The following LRP1B variants were observed in gnomAD, a reference collection of about 807,000 sequenced individuals.
The protein encoded by LRP1B is LDL receptor related protein 1B, also known as low-density lipoprotein receptor-related protein 1B.
In LRP1B, 217 loss-of-function variants were observed where a neutral mutation model predicts 556.6. The ratio of observed to expected loss-of-function variants is 0.39; its 90% CI spans 0.35 to 0.44. The LOEUF is 0.44. Among genes scored for constraint, LRP1B ranks in the 20% least tolerant of loss-of-function variants. LRP1B has a pLI of 1.00. For missense variants in LRP1B, 5,053 were observed against 5,620.8 expected, an observed-to-expected ratio of 0.90 and a Z score of 3.23; for synonymous variants, 2,047 against 1,865.8, an observed-to-expected ratio of 1.10 and a Z score of -2.50.
At chr2:140,548,961 A>G (rs1160251485) in intron 43 of LRP1B, among the ~76,000 whole-genome samples, 1 of 152,038 alleles carries the variant, frequency 6.6e-6, no homozygotes, top group East Asian at 1.9e-4. Context: ...AAAAACAAAA[A>G]AACTGTAAAT....
At chr2:141,906,623 A>T (rs573078844) in intron 1 of LRP1B, among the ~76,000 whole-genome samples, 43 of 152,016 alleles carry the variant, frequency 2.8e-4, no homozygotes, top group Non-Finnish European at 4.4e-4. Flanking sequence ...CTTCCTGTTG[A>T]TAGTATATTG....
intron 66 of LRP1B, among the ~76,000 whole-genome samples, chr2:140,391,500 A>C (rs979291198): frequency 1.3e-5 from 2 of 149,076 alleles, no homozygotes; most frequent in Non-Finnish European, 3.0e-5. Context: ...AAACGGAATA[A>C]GAGCTGTGTA....
rs566496825 is a variant in LRP1B at position 140,702,158 on chromosome 2, G to A, written c.6285C>T (p.Tyr2095=). The A allele has an allele frequency of 4.3e-6, 7 of 1,613,278 alleles. No individual in the cohort carries two copies. Among genetic ancestry groups the A allele is most frequent in the African/African-American group, 2.7e-5 (2 of 74,966 alleles). ...DMFSVAVFGA[Y]IYWSDRAHAN... is the part of the protein sequence containing the mutation. ...TAAATTACCTGTCAGACCAGTAGAT[G>A]TAAGCCCCAAAGACTGCAACTGAAA... The change falls in exon 39 of 91, where the codon TAC becomes TAT. Residue 2095 remains tyrosine, a synonymous_variant. Coordinates refer to ENST00000389484, the MANE Select transcript of LRP1B (RefSeq NM_018557.3).
At chr2:140,583,451 C>G (rs938492255) in intron 43 of LRP1B, among the ~76,000 whole-genome samples, 7 of 152,128 alleles carry the variant, frequency 4.6e-5, no homozygotes, top group African/African-American at 1.7e-4. Context: ...GCTGGTATTA[C>G]AGGCGTGAGC....
At chr2:140,393,147 T>A (rs1573883959) in intron 66 of LRP1B, among the ~76,000 whole-genome samples, 1 of 49,378 alleles carries the variant, frequency 2.0e-5, no homozygotes, top group African/African-American at 5.1e-5. Flanking sequence ...CCATTCTACA[T>A]TTTTTTTTTT....
At chr2:141,507,311 T>C (rs767299665) in intron 2 of LRP1B, among the ~76,000 whole-genome samples, 3 of 152,176 alleles carry the variant, frequency 2.0e-5, no homozygotes, top group Admixed American at 6.6e-5. Context: ...TCATTACTTG[T>C]TTAGCACAAA....
At chr2:141,873,067 G>T (rs1307530942) in intron 1 of LRP1B, among the ~76,000 whole-genome samples, 1 of 151,980 alleles carries the variant, frequency 6.6e-6, no homozygotes, top group Non-Finnish European at 1.5e-5. Context: ...ATTAATTTCA[G>T]ATTTATGACC....
chr2:140,267,866 G>A (rs1434173990), intron 86 of LRP1B, among the ~76,000 whole-genome samples: 1 of 151,814 alleles, frequency 6.6e-6, no homozygotes, highest in African/African-American at 2.4e-5. Context: ...ATTTTTTCCT[G>A]GTTGTGTTTA....
intron 66 of LRP1B, among the ~76,000 whole-genome samples, chr2:140,403,770 C>A (rs1684608684): frequency 6.6e-6 from 1 of 152,064 alleles, no homozygotes; most frequent in Non-Finnish European, 1.5e-5. Context: ...ACAAGGAGTT[C>A]AAAGAACTCC....
chr2:140,726,857 A>G (rs530860369), intron 35 of LRP1B, among the ~76,000 whole-genome samples: 7 of 151,902 alleles, frequency 4.6e-5, no homozygotes, highest in Admixed American at 3.9e-4. Context: ...TCACATCTTA[A>G]TGGTTCATCT....
At chr2:141,515,856 T>A (rs16855055) in intron 2 of LRP1B, among the ~76,000 whole-genome samples, 9,949 of 152,222 alleles carry the variant, frequency 0.065, 412 homozygotes, top group South Asian at 0.18. Context: ...GAACTGTACT[T>A]AAGAATGTTC....
At chr2:141,222,229 TACAA>T (rs778168915) in intron 6 of LRP1B, among the ~76,000 whole-genome samples, 3 of 152,116 alleles carry the variant, frequency 2.0e-5, no homozygotes, top group Non-Finnish European at 4.4e-5. Context: ...CTTACAGAAA[TACAA>T]ACAACCATCA....
intron 82 of LRP1B, among the ~76,000 whole-genome samples, chr2:140,317,111 G>A (rs528629194): frequency 2.6e-5 from 4 of 152,094 alleles, no homozygotes; most frequent in African/African-American, 4.8e-5. Context: ...CACTGTAAGC[G>A]GACCTGGATT....
At chr2:141,199,140 T>C (rs941622719) in intron 6 of LRP1B, among the ~76,000 whole-genome samples, 2 of 152,150 alleles carry the variant, frequency 1.3e-5, no homozygotes, top group Non-Finnish European at 1.5e-5. Context: ...TTTCAGTAGA[T>C]TGCAGTGAAG....
At chr2:140,846,913 A>G (rs1692290871) in intron 29 of LRP1B, among the ~76,000 whole-genome samples, 1 of 152,222 alleles carries the variant, frequency 6.6e-6, no homozygotes, top group African/African-American at 2.4e-5. Flanking sequence ...TGCTAATGGA[A>G]AGATATATCC....
chr2:141,432,841 AC>A (rs1680610599), intron 3 of LRP1B, among the ~76,000 whole-genome samples: 2 of 143,196 alleles, frequency 1.4e-5, no homozygotes, highest in African/African-American at 4.9e-5. Flanking sequence ...TTTATTTCAA[AC>A]TTCCGATTTC....
intron 5 of LRP1B, among the ~76,000 whole-genome samples, chr2:141,233,946 C>A (rs1412634569): frequency 6.6e-6 from 1 of 151,744 alleles, no homozygotes; most frequent in Non-Finnish European, 1.5e-5. Context: ...TATTTGTAAG[C>A]AATTATCTCC....
chr2:140,432,395 G>A (rs558588173), intron 66 of LRP1B, among the ~76,000 whole-genome samples: 3 of 152,258 alleles, frequency 2.0e-5, no homozygotes, highest in East Asian at 1.9e-4. Flanking sequence ...TTCACACAAC[G>A]AACATGAACA....
chr2:141,810,266 C>A lies in LRP1B; in HGVS notation c.205+13G>T, dbSNP rs751374831. 3.7e-6 allele frequency: 6 copies of A among 1,612,262 alleles called. No individual in the cohort carries two copies. The highest frequency in any genetic ancestry group is 5.1e-6 in the Non-Finnish European group (6 of 1,178,876). ...AAGGTAAATCCGAATGGCATGAGAA[C>A]CTTTCTACTCACAGGTATCTAAAGA... is the stretch of plus-strand genomic sequence containing the variant. On this transcript the variant is annotated intron_variant, in intron 2 of 90. Coordinates refer to ENST00000389484, the MANE Select transcript of LRP1B (RefSeq NM_018557.3).
Sources: gnomAD v4.1 joint callset for allele counts (sites outside exome capture counted in the v4.1 genomes callset) on GRCh38, gnomAD v4.1.1 for gene constraint, MANE v1.5 for transcripts, NCBI Gene and HGNC (gene_info 2026-07-23, HGNC 2026-07-21) for gene names.